Variants in CLEC4E observed in about 807,000 individuals in gnomAD.
The protein encoded by CLEC4E is C-type lectin domain family 4 member E, also known as C-type (calcium dependent, carbohydrate-recognition domain) lectin, superfamily member 9.
In CLEC4E, 21 loss-of-function variants were observed where a neutral mutation model predicts 24.7. The ratio of observed to expected loss-of-function variants is 0.85; its 90% confidence interval spans 0.60 to 1.22. The LOEUF (loss-of-function observed/expected upper bound fraction) is 1.22, where lower values mean the gene tolerates loss of function less well. Among genes scored for constraint, CLEC4E ranks in the 50% most tolerant of loss-of-function variants. CLEC4E has a pLI of 0.00. For synonymous variants in CLEC4E, 94 were observed against 85.7 expected, an observed-to-expected ratio of 1.10 and a Z score of -0.54; for missense variants, 249 against 254.1, an observed-to-expected ratio of 0.98 and a Z score of 0.14.
In CLEC4E at chr12:8,534,711, G is replaced by A. The variant is rs1030692262; in HGVS notation, c.587C>T (p.Thr196Ile). 1 of 1,613,858 alleles carries A rather than the reference G, an allele frequency of 6.2e-7. No individual in the cohort carries two copies. Among genetic ancestry groups the A allele is most frequent in the African/African-American group, 1.3e-5 (1 of 74,984 alleles). ...SNPRQNWNDV[T>I]CFLNYFRICE... is the part of the protein sequence containing the mutation. Reference sequence around the variant, plus strand: ...AATCCGAAAATAATTGAGGAAACAGGTTACATCATTCCAATTTTGCCTTGG... The same window carrying A: ...AATCCGAAAATAATTGAGGAAACAGATTACATCATTCCAATTTTGCCTTGG... Residue 196 changes from threonine to isoleucine, a missense_variant, in exon 6 of 6, where the codon ACC becomes ATC. By Grantham distance (89) the Thr-to-Ile change is moderately conservative. Coordinates refer to ENST00000299663, the MANE Select transcript of CLEC4E (RefSeq NM_014358.4).
In CLEC4E at chr12:8,534,619, T is replaced by G; in HGVS notation, c.*19A>C. 1 of 1,601,528 alleles carries G rather than the reference T, an allele frequency of 6.2e-7. No homozygotes were observed. The highest frequency in any genetic ancestry group is 8.5e-7 in the Non-Finnish European group (1 of 1,171,268). ...TCTTGCTCTTCCTTCTTTACACATTTGAGTTGTGCCTTCTGTTCTTAAAGA... is the reference window on the plus strand; with the variant it reads ...TCTTGCTCTTCCTTCTTTACACATTGGAGTTGTGCCTTCTGTTCTTAAAGA... On this transcript the variant is annotated 3_prime_UTR_variant, in exon 6 of 6. Coordinates refer to ENST00000299663, the MANE Select transcript of CLEC4E (RefSeq NM_014358.4).
intron 2 of CLEC4E, among the ~76,000 whole-genome samples, 167 bp downstream of exon 2, chr12:8,539,688 T>G (rs925974883): frequency 5.3e-5 from 8 of 152,104 alleles, no homozygotes; most frequent in African/African-American, 1.9e-4. Flanking sequence ...GTTCCCTGCT[T>G]GTTGAGGTTT....
At chr12:8,538,797 G>A (rs1443406335) in intron 3 of CLEC4E, among the ~76,000 whole-genome samples, 1 of 152,154 alleles carries the variant, frequency 6.6e-6, no homozygotes, top group Non-Finnish European at 1.5e-5. Context: ...ATAGCTCAGA[G>A]AAGGAAGTCA....
In CLEC4E at chr12:8,534,717, T is replaced by A; in HGVS notation, c.581A>T (p.Asp194Val). 7 of 1,614,074 alleles carry A rather than the reference T, an allele frequency of 4.3e-6. No homozygotes were observed. Among genetic ancestry groups the A allele is most frequent in the Non-Finnish European group, 5.9e-6 (7 of 1,179,944 alleles). Reference sequence around the variant, plus strand: ...AAAATAATTGAGGAAACAGGTTACATCATTCCAATTTTGCCTTGGGTTTGA... The same window carrying A: ...AAAATAATTGAGGAAACAGGTTACAACATTCCAATTTTGCCTTGGGTTTGA... ...DSSNPRQNWN[D>V]VTCFLNYFRI... Residue 194 changes from aspartate to valine, a missense_variant, in exon 6 of 6, where the codon GAT becomes GTT. Physicochemically the swap from Asp to Val is radical, Grantham distance 152 (BLOSUM62 -3). Coordinates refer to ENST00000299663, the MANE Select transcript of CLEC4E (RefSeq NM_014358.4).
intron 3 of CLEC4E, among the ~76,000 whole-genome samples, 174 bp from the exon 4 acceptor site, chr12:8,537,440 A>G (rs1194086956): frequency 6.6e-6 from 1 of 152,222 alleles, no homozygotes; most frequent in African/African-American, 2.4e-5. Context: ...AAACATAAAC[A>G]GAATGTTTTT....
intron 3 of CLEC4E, 73 bp downstream of exon 3, chr12:8,539,144 G>T: frequency 9.4e-7 from 1 of 1,059,430 alleles, no homozygotes. Flanking sequence ...TATCTCACCT[G>T]TCCCAAAGTC....
In CLEC4E at chr12:8,539,944, C is replaced by G; in HGVS notation, c.41G>C (p.Arg14Thr). 3.8e-6 allele frequency: 6 copies of G among 1,591,918 alleles called. No homozygotes were observed. The highest frequency in any genetic ancestry group is 5.2e-6 in the Non-Finnish European group (6 of 1,159,824). The change falls in exon 2 of 6, where the codon AGA becomes ACA. Residue 14 changes from arginine to threonine, a missense_variant. Coordinates refer to ENST00000299663, the MANE Select transcript of CLEC4E (RefSeq NM_014358.4). Reference protein sequence around the residue: ...SKSSETQCTERGCFSSQMFLW... With the variant: ...SKSSETQCTETGCFSSQMFLW... ...GAACATTTGGGAAGAGAAGCATCCT[C>G]TCTCTGTAGAAAGAAAGACACAAAC...
Position 8,534,347 on chromosome 12 carries a change from G to T in CLEC4E, c.*291C>A. 1 of 191,386 alleles carries T rather than the reference G, an allele frequency of 5.2e-6. No individual in the cohort carries two copies. 11.9% of individuals were successfully genotyped at this position (191,386 alleles called of 1,614,324 possible). A position where few individuals can be genotyped will look rare whatever the true frequency, so the allele number is the denominator to read the frequency against. ...CTTTGCTAGACTCTGTCTTGGCTCC[G>T]TGTCCCTGTACTTTCATACGAACAC... On this transcript the variant is annotated 3_prime_UTR_variant, in exon 6 of 6. Transcript: ENST00000299663.
At chr12:8,537,399 A>T in intron 3 of CLEC4E, 133 bp from the exon 4 acceptor site, 1 of 664,426 alleles carries the variant, frequency 1.5e-6, no homozygotes, top group East Asian at 2.8e-5. Context: ...ACATCTTAGT[A>T]TCTAAGACTT....
intron 3 of CLEC4E, chr12:8,538,826 G>A: frequency 3.9e-6 from 1 of 254,456 alleles, no homozygotes; most frequent in Non-Finnish European, 7.3e-6. Context: ...GTGTCATGTA[G>A]CATTTTGCTA....
chr12:8,538,816 G>C (rs1940654111), intron 3 of CLEC4E: 1 of 236,064 alleles, frequency 4.2e-6, no homozygotes, highest in Non-Finnish European at 8.0e-6. Flanking sequence ...CACTTTTTTA[G>C]TGTCATGTAG....
At chr12:8,538,649 T>C (rs1051755372) in intron 3 of CLEC4E, among the ~76,000 whole-genome samples, 1 of 152,218 alleles carries the variant, frequency 6.6e-6, no homozygotes. Flanking sequence ...TGCTCTCGTC[T>C]CTGGACACAG....
intron 5 of CLEC4E, 57 bp downstream of exon 5, chr12:8,536,033 C>T (rs1172693976): frequency 7.3e-6 from 7 of 957,208 alleles, no homozygotes; most frequent in Non-Finnish European, 1.2e-5. Flanking sequence ...TGGACCTGAT[C>T]TATTGCAGGT....
chr12:8,539,951 T>A lies in CLEC4E; in HGVS notation c.38-4A>T. The A allele has an allele frequency of 6.4e-7, 1 of 1,570,062 alleles. No homozygotes were observed. The highest frequency in any genetic ancestry group is 8.8e-7 in the Non-Finnish European group (1 of 1,140,038). On this transcript the variant is annotated splice_region_variant and splice_polypyrimidine_tract_variant and intron_variant, in intron 1 of 5. Coordinates refer to ENST00000299663, the MANE Select transcript of CLEC4E (RefSeq NM_014358.4). ...TGGGAAGAGAAGCATCCTCTCTCTG[T>A]AGAAAGAAAGACACAAACATGATCA... is the stretch of plus-strand genomic sequence containing the variant.
intron 5 of CLEC4E, 130 bp downstream of exon 5, chr12:8,535,960 C>G: frequency 1.9e-6 from 1 of 517,924 alleles, no homozygotes. Flanking sequence ...GGTGCTTGTA[C>G]TTCTCCTTCA....
intron 5 of CLEC4E, among the ~76,000 whole-genome samples, chr12:8,535,165 C>T (rs1940595608): frequency 6.6e-6 from 1 of 152,176 alleles, no homozygotes; most frequent in South Asian, 2.1e-4. Flanking sequence ...ATCGGCTTAG[C>T]TCTCTTTATT....
At chr12:8,538,657 C>A (rs1007672354) in intron 3 of CLEC4E, among the ~76,000 whole-genome samples, 1 of 152,196 alleles carries the variant, frequency 6.6e-6, no homozygotes, top group African/African-American at 2.4e-5. Context: ...TCTCTGGACA[C>A]AGGGAGAGAC....
rs780454698 is a variant in CLEC4E at position 8,539,835 on chromosome 12, A to G, written c.130+20T>C. ...TATGCACCAGGAAGAATTAAATTGA[A>G]TTTGACCTTCAGAACCCACCAACAC... On this transcript the variant is annotated intron_variant, in intron 2 of 5. Transcript: ENST00000299663. 23 of 1,490,264 alleles carry G rather than the reference A, an allele frequency of 1.5e-5. No individual in the cohort carries two copies. The highest frequency in any genetic ancestry group is 2.1e-5 in the Non-Finnish European group (22 of 1,067,356). 92.3% of individuals were successfully genotyped at this position (1,490,264 alleles called of 1,614,324 possible).
Position 8,534,797 on chromosome 12 carries a change from T to C in CLEC4E, c.501A>G (p.Val167=), listed in dbSNP as rs1185904122. 1 of 1,612,442 alleles carries C rather than the reference T, an allele frequency of 6.2e-7. No individual in the cohort carries two copies. The highest frequency in any genetic ancestry group is 2.2e-5 in the East Asian group (1 of 44,860). ...PLTKSLSFWD[V]GEPNNIATLE... Reference sequence around the variant, plus strand: ...GGGTAGCTATGTTGTTGGGCTCCCCTACATCCCAGAAGCTGAAAAAGAATG... The same window carrying C: ...GGGTAGCTATGTTGTTGGGCTCCCCCACATCCCAGAAGCTGAAAAAGAATG... The change falls in exon 6 of 6, where the codon GTA becomes GTG. Residue 167 remains valine, a synonymous_variant. Transcript: ENST00000299663.
Sources: allele counts gnomAD v4.1 joint callset (sites outside exome capture counted in the v4.1 genomes callset), GRCh38; gene constraint gnomAD v4.1.1; transcripts MANE v1.5; gene names NCBI Gene and HGNC (gene_info 2026-07-23, HGNC 2026-07-21).